FSIP2: variants seen among roughly 807,000 people sequenced by gnomAD.
FSIP2 encodes the protein fibrous sheath-interacting protein 2.
In FSIP2, 367 loss-of-function variants were observed where a neutral mutation model predicts 510.5. That is an observed-to-expected ratio of 0.72 (90% confidence interval 0.66 to 0.78). FSIP2 has a LOEUF of 0.78. FSIP2 is among the 30% of genes least tolerant of loss of function. The pLI, the probability that FSIP2 is intolerant of heterozygous loss-of-function variation, is 0.00. For missense variants in FSIP2, 7,594 were observed against 7,901.7 expected (o/e 0.96, Z 1.48); for synonymous variants, 2,601 against 2,732.2 (o/e 0.95, Z 1.50).
intron 21 of FSIP2, among the ~76,000 whole-genome samples, chr2:185,831,092 T>C (rs1694099630): frequency 6.6e-6 from 1 of 151,960 alleles, no homozygotes; most frequent in South Asian, 2.1e-4. Context: ...TTTTACCTGA[T>C]ATAGACACTG....
In FSIP2 at chr2:185,800,418, A is replaced by G. The variant is rs1483155993; in HGVS notation, c.11112A>G (p.Ser3704=). 6.5e-7 allele frequency: 1 copy of G among 1,527,474 alleles called. No homozygotes were observed. Among genetic ancestry groups the G allele is most frequent in the Non-Finnish European group, 8.7e-7 (1 of 1,143,752 alleles). The allele number at this position is 1,527,474 out of a possible 1,614,324, so 94.6% of individuals were successfully genotyped here. A position where few individuals can be genotyped will look rare whatever the true frequency, so the allele number is the denominator to read the frequency against. Residue 3704 remains serine, a synonymous_variant, in exon 17 of 23, where the codon TCA becomes TCG. Transcript: ENST00000424728. ...TCAATAAAGTTTTTAATATTGTTTCAGATTTATTTTCACCAGATGAATGCC... is the reference window on the plus strand; with the variant it reads ...TCAATAAAGTTTTTAATATTGTTTCGGATTTATTTTCACCAGATGAATGCC... ...EVVNKVFNIV[S]DLFSPDECLD... is the part of the protein sequence containing the mutation.
upstream of FSIP2, among the ~76,000 whole-genome samples, chr2:185,737,417 T>C (rs183029082): frequency 6.6e-5 from 10 of 152,230 alleles, no homozygotes; most frequent in Admixed American, 1.3e-4. Flanking sequence ...TTGGGGTAGA[T>C]GGTGGCAGGG....
upstream of FSIP2, among the ~76,000 whole-genome samples, chr2:185,737,292 A>G (rs1691801734): frequency 6.6e-6 from 1 of 152,226 alleles, no homozygotes; most frequent in Non-Finnish European, 1.5e-5. Flanking sequence ...ACTGATACAG[A>G]GACCAAGTAA....
Position 185,801,363 on chromosome 2 carries a change from T to C in FSIP2, c.12057T>C (p.Asn4019=), listed in dbSNP as rs1273274038. 6.5e-7 allele frequency: 1 copy of C among 1,534,144 alleles called. No individual in the cohort carries two copies. Among genetic ancestry groups the C allele is most frequent in the Admixed American group, 2.0e-5 (1 of 50,854 alleles). ...LFVNNVVNEF[N]NAQVTVLRNA... ...TCAACAATGTAGTGAATGAATTTAA[T>C]AATGCTCAAGTCACTGTTCTACGGA... Residue 4019 remains asparagine, a synonymous_variant, in exon 17 of 23, where the codon AAT becomes AAC. Coordinates refer to ENST00000424728, the MANE Select transcript of FSIP2 (RefSeq NM_173651.4).
At chr2:185,746,492 TG>T (rs1389002687) in intron 5 of FSIP2, among the ~76,000 whole-genome samples, 176 bp from the exon 6 acceptor site, 2 of 152,098 alleles carry the variant, frequency 1.3e-5, no homozygotes, top group African/African-American at 2.4e-5. Context: ...CATGGTGAGC[TG>T]GTGGGTTAGG....
rs1160473758 is a variant in FSIP2 at position 185,796,066 on chromosome 2, AAG to A, written c.8932_8933del (p.Asp2978ProfsTer31). 8 of 1,531,722 alleles carry A rather than the reference AAG, an allele frequency of 5.2e-6. No homozygotes were observed. The highest frequency in any genetic ancestry group is 5.2e-6 in the Non-Finnish European group (6 of 1,145,318). The allele number at this position is 1,531,722 out of a possible 1,614,324, so 94.9% of individuals were successfully genotyped here. On this transcript the variant is annotated frameshift_variant, in exon 16 of 23. Coordinates refer to ENST00000424728, the MANE Select transcript of FSIP2 (RefSeq NM_173651.4). LOFTEE classifies it high-confidence loss of function. ...TTACCAATCTATAACACAAAGACAA[AAG>A]ACCAAATTTCTGTGGGCTCCAGCAA...
rs764030022 is a variant in FSIP2 at position 185,806,314 on chromosome 2, C to G, written c.17008C>G (p.His5670Asp). 9 of 1,608,030 alleles carry G rather than the reference C, an allele frequency of 5.6e-6. No individual in the cohort carries two copies. The African/African-American group carries it at 1.2e-4, about 22-fold the overall frequency. ...AACACAAACGTGTAGGGATGAGGAACACCACTCAGATTATGAACATGTTCA... is the reference window on the plus strand; with the variant it reads ...AACACAAACGTGTAGGGATGAGGAAGACCACTCAGATTATGAACATGTTCA... ...SPTQTCRDEEHHSDYEHVQNV... is the reference protein window; with the variant it reads ...SPTQTCRDEEDHSDYEHVQNV... The change falls in exon 17 of 23, where the codon CAC becomes GAC. Residue 5670 changes from histidine to aspartate, a missense_variant. By Grantham distance (81) the His-to-Asp change is moderately conservative (BLOSUM62 -1). Transcript: ENST00000424728.
Position 185,761,983 on chromosome 2 carries a change from G to A in FSIP2, c.1206G>A (p.Met402Ile), listed in dbSNP as rs781277303. The change falls in exon 11 of 23, where the codon ATG becomes ATA. Residue 402 changes from methionine (M) to isoleucine (I), a missense_variant. Coordinates refer to ENST00000424728, the MANE Select transcript of FSIP2 (RefSeq NM_173651.4). ...GTGGTACCATGTAGAGAGATGGGAT[G>A]GTATCTAAAAACTCAAGTATTTTCG... is the stretch of plus-strand genomic sequence containing the variant. ...DNGINQKRDG[M>I]VSKNSSIFDD... 52 of 1,483,482 alleles carry A rather than the reference G, an allele frequency of 3.5e-5. No individual in the cohort carries two copies. The highest frequency in any genetic ancestry group is 4.4e-5 in the Non-Finnish European group (49 of 1,102,776). 91.9% of individuals were successfully genotyped at this position (1,483,482 alleles called of 1,614,324 possible). A position where few individuals can be genotyped will look rare whatever the true frequency, so the allele number is the denominator to read the frequency against.
chr2:185,750,766 A>AT (rs1469633769), intron 7 of FSIP2, among the ~76,000 whole-genome samples: 5 of 150,830 alleles, frequency 3.3e-5, no homozygotes, highest in Non-Finnish European at 5.9e-5. Context: ...GAGTCCCCAG[A>AT]TTTTTTTTGA....
Position 185,796,878 on chromosome 2 carries a change from G to A in FSIP2, c.9742G>A (p.Glu3248Lys), listed in dbSNP as rs752192983. The part of the protein sequence containing the change: ...RNKVQDHRPR[E>K]SNFGSFDQTM... ...CAAAGTACAAGACCACAGACCAAGGGAATCTAACTTTGGTAGTTTTGATCA... is the reference window on the plus strand; with the variant it reads ...CAAAGTACAAGACCACAGACCAAGGAAATCTAACTTTGGTAGTTTTGATCA... Residue 3248 changes from glutamate (E) to lysine (K), a missense_variant, in exon 16 of 23, where the codon GAA (glutamate) becomes AAA (lysine). Coordinates refer to ENST00000424728, the MANE Select transcript of FSIP2 (RefSeq NM_173651.4). 6.5e-6 allele frequency: 10 copies of A among 1,534,852 alleles called. No individual in the cohort carries two copies. In the South Asian group the frequency reaches 1.1e-4, roughly 16 times the overall value.
chr2:185,813,809 C>G lies in FSIP2; in HGVS notation c.20092C>G (p.Leu6698Val), dbSNP rs1045498733. 1 of 1,613,456 alleles carries G rather than the reference C, an allele frequency of 6.2e-7. No individual in the cohort carries two copies. Among genetic ancestry groups the G allele is most frequent in the Non-Finnish European group, 8.5e-7 (1 of 1,179,750 alleles). ...AGTCAAGAAGCCAATACAAAGCAAA[C>G]TTTCTCCTAAGTCAACACTAAGCAC... ...KEVKKPIQSK[L>V]SPKSTLSTSS... Residue 6698 changes from leucine to valine, a missense_variant, in exon 18 of 23, where the codon CTT (leucine) becomes GTT (valine). By Grantham distance (32) the Leu-to-Val change is conservative. Transcript: ENST00000424728.
chr2:185,740,763 G>C (rs1381338750), intron 2 of FSIP2, among the ~76,000 whole-genome samples: 1 of 152,072 alleles, frequency 6.6e-6, no homozygotes, highest in African/African-American at 2.4e-5. Context: ...AGGCTGGAGA[G>C]TTCCCTGTGG....
chr2:185,805,591 C>A lies in FSIP2; in HGVS notation c.16285C>A (p.Gln5429Lys). ...ACACCTACCACAAAACACCTTTACA[C>A]AAATAAGCAGATGTGCAAAAGAGAA... ...VQHLPQNTFT[Q>K]ISRCAKENQL... Residue 5429 changes from glutamine (Q) to lysine (K), a missense_variant, in exon 17 of 23, where the codon CAA becomes AAA. By Grantham distance (53) the Gln-to-Lys change is moderately conservative. Coordinates refer to ENST00000424728, the MANE Select transcript of FSIP2 (RefSeq NM_173651.4). The A allele has an allele frequency of 1.2e-6, 2 of 1,609,314 alleles. No homozygotes were observed. Among genetic ancestry groups the A allele is most frequent in the East Asian group, 4.5e-5 (2 of 44,772 alleles).
chr2:185,774,252 C>A (rs1457329729), intron 13 of FSIP2, among the ~76,000 whole-genome samples: 1 of 152,096 alleles, frequency 6.6e-6, no homozygotes, highest in Non-Finnish European at 1.5e-5. Flanking sequence ...GGACTTCTTC[C>A]TGTATATAAT....
At chr2:185,758,117 T>C (rs1439818045) in intron 9 of FSIP2, among the ~76,000 whole-genome samples, 4 of 151,360 alleles carry the variant, frequency 2.6e-5, no homozygotes, top group Non-Finnish European at 5.9e-5. Context: ...ATGGCTTCTT[T>C]TACTCAGCAT....
chr2:185,785,158 A>G (rs1471024667), intron 14 of FSIP2, among the ~76,000 whole-genome samples: 1 of 152,104 alleles, frequency 6.6e-6, no homozygotes, highest in African/African-American at 2.4e-5. Flanking sequence ...AGGTTGCAGA[A>G]TATCTAAGAG....
Position 185,804,951 on chromosome 2 carries a change from A to T in FSIP2, c.15645A>T (p.Lys5215Asn). 1 of 1,533,878 alleles carries T rather than the reference A, an allele frequency of 6.5e-7. No individual in the cohort carries two copies. The highest frequency in any genetic ancestry group is 1.2e-5 in the South Asian group (1 of 83,748). Reference protein sequence around the residue: ...QAEVQKDADKKGCSFLSKLAG... With the variant: ...QAEVQKDADKNGCSFLSKLAG... ...AAGTACAAAAAGATGCAGACAAAAA[A>T]GGATGCTCATTCCTCAGTAAATTAG... is the stretch of plus-strand genomic sequence containing the variant. The change falls in exon 17 of 23, where the codon AAA becomes AAT. Residue 5215 changes from lysine (K) to asparagine (N), a missense_variant. Physicochemically the swap from Lys to Asn is moderately conservative, Grantham distance 94. Coordinates refer to ENST00000424728, the MANE Select transcript of FSIP2 (RefSeq NM_173651.4).
Position 185,797,268 on chromosome 2 carries a change from GA to G in FSIP2, c.10138del (p.Ser3380ValfsTer34), listed in dbSNP as rs1693312326. Reference protein sequence around the residue: ...SEVSGGQKDNEKSLLRMQDKK... With the variant: ...SEVSGGQKDNXKSLLRMQDKK... ...AGTATCTGGAGGGCAAAAGGATAAC[GA>G]AAAAAGTTTGCTTAGAATGCAGGAT... On this transcript the variant is annotated frameshift_variant, in exon 16 of 23. Coordinates refer to ENST00000424728, the MANE Select transcript of FSIP2 (RefSeq NM_173651.4). LOFTEE classifies it high-confidence loss of function. 3.3e-6 allele frequency: 5 copies of G among 1,532,602 alleles called. No homozygotes were observed. The highest frequency in any genetic ancestry group is 2.4e-5 in the East Asian group (1 of 40,850). The allele number at this position is 1,532,602 out of a possible 1,614,324, so 94.9% of individuals were successfully genotyped here.
intron 14 of FSIP2, among the ~76,000 whole-genome samples, chr2:185,783,127 T>C (rs1256220274): frequency 6.6e-6 from 1 of 152,184 alleles, no homozygotes; most frequent in African/African-American, 2.4e-5. Flanking sequence ...ATTGGCTGTC[T>C]AAGGCTGGTA....
Sources: gnomAD v4.1 joint callset for allele counts (sites outside exome capture counted in the v4.1 genomes callset) on GRCh38, gnomAD v4.1.1 for gene constraint, MANE v1.5 for transcripts, NCBI Gene and HGNC (gene_info 2026-07-23, HGNC 2026-07-21) for gene names.